The following RNF150 variants were observed in gnomAD, a reference collection of about 807,000 sequenced individuals.
RNF150 encodes the protein ring finger protein 150.
Under a neutral mutation model 39.3 loss-of-function variants are expected in RNF150, and 24 were observed. The ratio of observed to expected loss-of-function variants is 0.61; its 90% CI spans 0.44 to 0.86. RNF150 has a LOEUF of 0.86. Among genes scored for constraint, RNF150 ranks in the 40% least tolerant of loss-of-function variants. RNF150 has a pLI of 0.00. For missense variants in RNF150, 502 were observed against 587.8 expected, an observed-to-expected ratio of 0.85 and a Z score of 1.51; for synonymous variants, 255 against 227.3, an observed-to-expected ratio of 1.12 and a Z score of -1.10.
chr4:141,044,771 G>GCACACACACACACACACACACACACA (rs71584391), intron 1 of RNF150, among the ~76,000 whole-genome samples: 2 of 146,582 alleles, frequency 1.4e-5, no homozygotes, highest in Admixed American at 6.6e-5. Flanking sequence ...GGTGTGCAGC[G>GCACACACACACACACACACACACACA]CACACACACA....
rs187421684 is a variant in RNF150 at position 140,868,144 on chromosome 4, C to A, written c.*117G>T. ...TTTTCGTCAGCATTCTTGAACGGAG[C>A]GCCCTGGAGTTGCCAAGGTGATCTG... On this transcript the variant is annotated 3_prime_UTR_variant, in exon 7 of 7. Coordinates refer to ENST00000515673, the MANE Select transcript of RNF150 (RefSeq NM_020724.2). 1.5e-6 allele frequency: 1 copy of A among 664,266 alleles called. No homozygotes were observed. Among genetic ancestry groups the A allele is most frequent in the Non-Finnish European group, 2.7e-6 (1 of 366,970 alleles). The allele number at this position is 664,266 out of a possible 1,614,324, so 41.1% of individuals were successfully genotyped here.
chr4:141,108,230 C>A (rs1173831810), intron 1 of RNF150, among the ~76,000 whole-genome samples: 5 of 152,198 alleles, frequency 3.3e-5, no homozygotes, highest in African/African-American at 1.2e-4. Context: ...CTTCCTAGTT[C>A]TCATAACTGG....
At chr4:141,094,065 A>G (rs1738690036) in intron 1 of RNF150, among the ~76,000 whole-genome samples, 2 of 152,240 alleles carry the variant, frequency 1.3e-5, no homozygotes, top group Admixed American at 1.3e-4. Context: ...AGTGAAATGG[A>G]TCAGATATAG....
In RNF150 at chr4:141,133,239, T is replaced by C. The variant is rs1391475299; in HGVS notation, c.-431A>G. 2 of 208,104 alleles carry C rather than the reference T, an allele frequency of 9.6e-6. No homozygotes were observed. The highest frequency in any genetic ancestry group is 1.9e-5 in the Non-Finnish European group (2 of 105,966). 12.9% of individuals were successfully genotyped at this position (208,104 alleles called of 1,614,324 possible). On this transcript the variant is annotated 5_prime_UTR_variant, in exon 1 of 7. Transcript: ENST00000515673. ...TTGCTCGTAGTCTGGGGTGCTGCGG[T>C]GCGGGGTGCTGCCCAGGGTGTCCCG...
chr4:140,940,606 T>C (rs1732043157), intron 4 of RNF150, among the ~76,000 whole-genome samples: 2 of 152,196 alleles, frequency 1.3e-5, no homozygotes, highest in Non-Finnish European at 2.9e-5. Context: ...AATCAGAATG[T>C]AGCCAAGGAA....
At chr4:141,111,543 AAAAGG>A (rs1185193943) in intron 1 of RNF150, among the ~76,000 whole-genome samples, 3 of 152,354 alleles carry the variant, frequency 2.0e-5, no homozygotes, top group Admixed American at 6.5e-5. Flanking sequence ...TTCAGAGGAA[AAAAGG>A]AATACTAAAG....
At chr4:140,899,788 C>T (rs1211940956) in intron 6 of RNF150, among the ~76,000 whole-genome samples, 1 of 151,606 alleles carries the variant, frequency 6.6e-6, no homozygotes, top group Admixed American at 6.6e-5. Context: ...ATCACTTCAG[C>T]TGCAATATAT....
chr4:140,945,477 G>T (rs1732251707), intron 4 of RNF150, among the ~76,000 whole-genome samples: 1 of 150,550 alleles, frequency 6.6e-6, no homozygotes. Flanking sequence ...TGGATATTAT[G>T]CAGTCTCTAG....
intron 1 of RNF150, among the ~76,000 whole-genome samples, chr4:141,049,969 G>A (rs1736716196): frequency 6.6e-6 from 1 of 151,980 alleles, no homozygotes; most frequent in Non-Finnish European, 1.5e-5. Context: ...ATATGTATGT[G>A]TGTATATGCA....
At chr4:140,966,145 G>T (rs1733233842) in intron 2 of RNF150, among the ~76,000 whole-genome samples, 1 of 151,994 alleles carries the variant, frequency 6.6e-6, no homozygotes, top group Admixed American at 6.6e-5. Context: ...GACTAGCCTG[G>T]CCAACATAGT....
chr4:141,149,185 G>A (rs768587674), intron 1 of RNF150, among the ~76,000 whole-genome samples: 2 of 152,008 alleles, frequency 1.3e-5, no homozygotes, highest in Non-Finnish European at 2.9e-5. Context: ...TTATCAGTTG[G>A]GTAACCTACA....
chr4:141,143,559 T>A (rs970794244), intron 1 of RNF150, among the ~76,000 whole-genome samples: 3 of 152,214 alleles, frequency 2.0e-5, no homozygotes, highest in Non-Finnish European at 4.4e-5. Flanking sequence ...CTAACTGGAC[T>A]AAGGGCTTCC....
intron 1 of RNF150, among the ~76,000 whole-genome samples, chr4:141,060,092 A>C (rs1370900180): frequency 6.6e-6 from 1 of 152,240 alleles, no homozygotes; most frequent in Non-Finnish European, 1.5e-5. Context: ...TCCATGTTTT[A>C]TTGCAAACAC....
At position 141,132,539 on chromosome 4, in the gene RNF150, C is replaced by A; in HGVS notation, c.270G>T (p.Val90=). 1 of 1,596,908 alleles carries A rather than the reference C, an allele frequency of 6.3e-7. No individual in the cohort carries two copies. The highest frequency in any genetic ancestry group is 8.5e-7 in the Non-Finnish European group (1 of 1,172,676). Reference sequence around the variant, plus strand: ...GGTCGTGGGCCGAGCTGGCCATGACCACCTCCCCGCGGGCGTCCTGCTTGG... The same window carrying A: ...GGTCGTGGGCCGAGCTGGCCATGACAACCTCCCCGCGGGCGTCCTGCTTGG... ...HSPKQDARGE[V]VMASSAHDRL... The change falls in exon 1 of 7, where the codon GTG becomes GTT. Residue 90 remains valine (V), a synonymous_variant. Transcript: ENST00000515673. The surrounding 1 kb of genome is among the most constrained non-coding windows in gnomAD (Gnocchi z 4.9).
At chr4:140,881,975 A>G (rs1327914752) in intron 6 of RNF150, among the ~76,000 whole-genome samples, 1 of 152,060 alleles carries the variant, frequency 6.6e-6, no homozygotes, top group Non-Finnish European at 1.5e-5. Context: ...GTTGGAAAAG[A>G]TATTTCGTAT....
At position 140,979,011 on chromosome 4, in the gene RNF150, C is replaced by T. The variant is rs559504495; in HGVS notation, c.485-11138G>A. 5.9e-5 allele frequency among the ~76,000 whole-genome samples: 9 copies of T among 152,112 alleles called. No homozygotes were observed. The South Asian group carries it at 1.0e-3, about 18-fold the overall frequency. ...TGCTGGACAAAAAACAATATATAGT[C>T]GTTCTTTGGTGTATGCAAGGAATTG... On this transcript the variant is annotated intron_variant, in intron 1 of 6. Transcript: ENST00000515673.
intron 1 of RNF150, among the ~76,000 whole-genome samples, chr4:141,048,557 C>T (rs1160756806): frequency 6.6e-6 from 1 of 152,052 alleles, no homozygotes; most frequent in African/African-American, 2.4e-5. Flanking sequence ...ATAGCAAGAC[C>T]CTGTCTCTAG....
At chr4:140,997,392 G>A (rs149906792) in intron 1 of RNF150, among the ~76,000 whole-genome samples, 11,508 of 152,126 alleles carry the variant, frequency 0.076, 491 homozygotes, top group Middle Eastern at 0.16. Flanking sequence ...GGAGGCCAAG[G>A]CGGGTGGATC....
chr4:140,920,962 T>C, intron 5 of RNF150, among the ~76,000 whole-genome samples: 1 of 151,806 alleles, frequency 6.6e-6, no homozygotes. Context: ...CTGCATATTC[T>C]CACTCATAGG....
Sources: allele counts gnomAD v4.1 joint callset (sites outside exome capture counted in the v4.1 genomes callset), GRCh38; gene constraint gnomAD v4.1.1; non-coding constraint Gnocchi (gnomAD v3.1); transcripts MANE v1.5; gene names NCBI Gene and HGNC (gene_info 2026-07-23, HGNC 2026-07-21).